MAP4K3: variants seen among roughly 807,000 people sequenced by gnomAD.
MAP4K3 encodes the protein mitogen-activated protein kinase kinase kinase kinase 3, also known as MAPK/ERK kinase kinase kinase 3.
A neutral mutation model predicts 143.5 loss-of-function variants in MAP4K3; 94 were observed. That is an observed-to-expected ratio of 0.65 (90% CI 0.55 to 0.78). MAP4K3 has a LOEUF of 0.78. Among genes scored for constraint, MAP4K3 ranks in the 30% least tolerant of loss-of-function variants. The pLI is 0.00. For missense variants in MAP4K3, 1,077 were observed against 1,068.1 expected (o/e 1.01, Z -0.12); for synonymous variants, 416 against 347.2 (o/e 1.20, Z -2.20).
chr2:39,327,709 T>C (rs1683541134), intron 8 of MAP4K3, among the ~76,000 whole-genome samples: 2 of 151,690 alleles, frequency 1.3e-5, no homozygotes, highest in African/African-American at 4.9e-5. Context: ...TATGAAAATT[T>C]AAATTACTAT....
chr2:39,377,407 G>T (rs796253336), intron 2 of MAP4K3, among the ~76,000 whole-genome samples: 4 of 152,138 alleles, frequency 2.6e-5, no homozygotes, highest in East Asian at 1.9e-4. Flanking sequence ...GTGGGAAGGA[G>T]AAAGAGTGGG....
intron 1 of MAP4K3, among the ~76,000 whole-genome samples, chr2:39,416,593 A>C (rs1003604161): frequency 1.3e-5 from 2 of 152,354 alleles, no homozygotes; most frequent in Admixed American, 6.5e-5. Flanking sequence ...CAACCAGAAG[A>C]AAGCAAGCAT....
At chr2:39,265,474 G>C (rs1350984296) in intron 27 of MAP4K3, among the ~76,000 whole-genome samples, 168 bp from the exon 28 acceptor site, 1 of 152,286 alleles carries the variant, frequency 6.6e-6, no homozygotes, top group Admixed American at 6.5e-5. Context: ...AAAAAATACT[G>C]TTTCAGGTAA....
At chr2:39,349,719 G>A (rs1665396634) in intron 3 of MAP4K3, among the ~76,000 whole-genome samples, 2 of 150,084 alleles carry the variant, frequency 1.3e-5, no homozygotes, top group South Asian at 4.2e-4. Flanking sequence ...TGGAGGAAGC[G>A]AAAAAAGAGG....
chr2:39,324,179 C>T (rs1346043207), intron 12 of MAP4K3, among the ~76,000 whole-genome samples: 2 of 152,088 alleles, frequency 1.3e-5, no homozygotes, highest in Non-Finnish European at 2.9e-5. Flanking sequence ...GAGGCCGAGG[C>T]AGGCAGATCA....
Position 39,391,237 on chromosome 2 carries a change from T to C in MAP4K3, c.97-13114A>G, listed in dbSNP as rs1162518593. 3.3e-5 allele frequency among the ~76,000 whole-genome samples: 5 copies of C among 150,798 alleles called. No individual in the cohort carries two copies. The South Asian group carries it at 6.3e-4, about 19-fold the overall frequency. On this transcript the variant is annotated intron_variant, in intron 1 of 33. Coordinates refer to ENST00000263881, the MANE Select transcript of MAP4K3 (RefSeq NM_003618.4). ...AGCCGGGCGTGGTGGCGGGTGCCTG[T>C]AGTCTCAGCTACTCGGGAGGCTGAG...
chr2:39,335,078 T>C lies in MAP4K3; in HGVS notation c.415-1504A>G, dbSNP rs181387675. On this transcript the variant is annotated intron_variant, in intron 6 of 33. Coordinates refer to ENST00000263881, the MANE Select transcript of MAP4K3 (RefSeq NM_003618.4). ...CATATTCTAAGATCGGCAAGTTTAG[T>C]GTGGCTGGAAAAGAATGAGTAAAAC... Among the ~76,000 whole-genome samples, 4 of 152,192 alleles carry C rather than the reference T, an allele frequency of 2.6e-5. No homozygotes were observed. In the East Asian group the frequency reaches 7.7e-4, roughly 29 times the overall value.
Position 39,288,201 on chromosome 2 carries a change from G to A in MAP4K3, c.1394C>T (p.Ser465Leu), listed in dbSNP as rs1681882008. 3 of 1,614,118 alleles carry A rather than the reference G, an allele frequency of 1.9e-6. No individual in the cohort carries two copies. Among genetic ancestry groups the A allele is most frequent in the Non-Finnish European group, 2.5e-6 (3 of 1,179,990 alleles). ...NQGTIKRCPMSGSPAKPSQVP... is the reference protein window; with the variant it reads ...NQGTIKRCPMLGSPAKPSQVP... ...TTGGGATGGCTTTGCTGGGCTCCCTGACATGGGACATCTCTTGATTGTTCC... is the reference window on the plus strand; with the variant it reads ...TTGGGATGGCTTTGCTGGGCTCCCTAACATGGGACATCTCTTGATTGTTCC... The change falls in exon 20 of 34, where the codon TCA becomes TTA. Residue 465 changes from serine to leucine, a missense_variant. Physicochemically the swap from Ser to Leu is moderately radical, Grantham distance 145 (BLOSUM62 -2). Around this residue, in one of 2 missense-constraint regions of MAP4K3, gnomAD observed 864 missense variants for 801.2 expected, o/e 1.08. Coordinates refer to ENST00000263881, the MANE Select transcript of MAP4K3 (RefSeq NM_003618.4).
At chr2:39,387,848 AATTAAAG>A (rs1388204152) in intron 1 of MAP4K3, among the ~76,000 whole-genome samples, 1 of 152,086 alleles carries the variant, frequency 6.6e-6, no homozygotes, top group Admixed American at 6.5e-5. Context: ...AAAACCAGAT[AATTAAAG>A]ATCTACATTT....
intron 24 of MAP4K3, among the ~76,000 whole-genome samples, chr2:39,275,330 CAAAAAATT>C: frequency 6.6e-6 from 1 of 152,110 alleles, no homozygotes; most frequent in East Asian, 1.9e-4. Context: ...TACAAAATAT[CAAAAAATT>C]AGCTGGGCAT....
chr2:39,403,204 C>A (rs754069624), intron 1 of MAP4K3, among the ~76,000 whole-genome samples: 2 of 152,104 alleles, frequency 1.3e-5, no homozygotes, highest in Non-Finnish European at 2.9e-5. Context: ...CCGAACAGGA[C>A]TCCACCCACT....
Position 39,275,658 on chromosome 2 carries a change from A to T in MAP4K3, c.1794+2749T>A, listed in dbSNP as rs193003206. ...CTTTGAATTATTTACTAATTATTAT[A>T]ATTACAAGATCCTTTTCCTCCCTTT... is the stretch of plus-strand genomic sequence containing the variant. On this transcript the variant is annotated intron_variant, in intron 24 of 33. Transcript: ENST00000263881. Among the ~76,000 whole-genome samples, 516 of 152,272 alleles carry T rather than the reference A, an allele frequency of 3.4e-3. 2 individuals are homozygous for T. The highest frequency in any genetic ancestry group is 5.5e-3 in the Non-Finnish European group (377 of 68,024).
At chr2:39,338,191 A>T (rs1036678586) in intron 4 of MAP4K3, among the ~76,000 whole-genome samples, 3 of 152,188 alleles carry the variant, frequency 2.0e-5, no homozygotes, top group Non-Finnish European at 4.4e-5. Flanking sequence ...AGTCACTGAA[A>T]TTAATTATAT....
intron 22 of MAP4K3, among the ~76,000 whole-genome samples, chr2:39,282,194 CAAA>C (rs58168334): frequency 4.7e-5 from 5 of 106,154 alleles, no homozygotes; most frequent in Non-Finnish European, 4.0e-5. Flanking sequence ...GACTCCGTCT[CAAA>C]AAAAAAAAAA....
chr2:39,343,451 G>T lies in MAP4K3; in HGVS notation c.247C>A (p.Arg83=). The T allele has an allele frequency of 6.2e-7, 1 of 1,611,318 alleles. No individual in the cohort carries two copies. The highest frequency in any genetic ancestry group is 8.5e-7 in the Non-Finnish European group (1 of 1,178,280). ...TCCATGCAAATCCAAAGCTTATCTC[G>T]CCTATAAAGAGAAAAGAAGCATGTA... is the stretch of plus-strand genomic sequence containing the variant. ...IVAYFGSYLR[R]DKLWICMEFC... Residue 83 remains arginine, a splice_region_variant and synonymous_variant, in exon 4 of 34, where the codon CGA becomes AGA. Transcript: ENST00000263881.
chr2:39,290,084 C>CAAAAAAAAAAAAAA (rs57058905), intron 19 of MAP4K3, among the ~76,000 whole-genome samples: 1 of 111,952 alleles, frequency 8.9e-6, no homozygotes, highest in African/African-American at 3.8e-5. Context: ...GAGACTGTCT[C>CAAAAAAAAAAAAAA]AAAAAAAAAA....
chr2:39,396,923 T>C (rs1666824548), intron 1 of MAP4K3, among the ~76,000 whole-genome samples: 1 of 152,218 alleles, frequency 6.6e-6, no homozygotes, highest in Non-Finnish European at 1.5e-5. Flanking sequence ...GATCTATTAC[T>C]TGATCTAAAA....
At chr2:39,436,004 T>C (rs998630236) in intron 1 of MAP4K3, among the ~76,000 whole-genome samples, 1 of 152,246 alleles carries the variant, frequency 6.6e-6, no homozygotes, top group Non-Finnish European at 1.5e-5. Context: ...TATGTGAAAC[T>C]GGAGGAGTTC....
At chr2:39,368,284 G>C (rs1665980881) in intron 2 of MAP4K3, among the ~76,000 whole-genome samples, 1 of 152,122 alleles carries the variant, frequency 6.6e-6, no homozygotes, top group Non-Finnish European at 1.5e-5. Context: ...ATAGAGCACG[G>C]TGTAGATTTT....
Sources: allele counts gnomAD v4.1 joint callset (sites outside exome capture counted in the v4.1 genomes callset), GRCh38; gene constraint gnomAD v4.1.1; regional missense constraint gnomAD v4.1.1; transcripts MANE v1.5; gene names NCBI Gene and HGNC (gene_info 2026-07-23, HGNC 2026-07-21).